STRN: variants seen among roughly 807,000 people sequenced by gnomAD.
STRN encodes the protein striatin, also known as protein phosphatase 2 regulatory subunit B'''alpha.
STRN carries 53 observed loss-of-function variants against 96.3 expected under a neutral mutation model. The observed-to-expected ratio is 0.55, with a 90% CI of 0.44 to 0.69. The LOEUF is 0.69. STRN is among the 30% of genes least tolerant of loss of function. The pLI is 0.00. For synonymous variants in STRN, 428 were observed against 355.9 expected, an observed-to-expected ratio of 1.20 and a Z score of -2.28; for missense variants, 987 against 963.9, an observed-to-expected ratio of 1.02 and a Z score of -0.32.
At position 36,839,601 on chromosome 2, in the gene STRN, T is replaced by A. The variant is rs1047610364; in HGVS notation, c.*9855A>T. ...ATTAGGCAGATCTATTATCCCCATT[T>A]CATAGATGAGAAGCCAATTTAGAAG... is the stretch of plus-strand genomic sequence containing the variant. On this transcript the variant is annotated 3_prime_UTR_variant, in exon 18 of 18. Coordinates refer to ENST00000263918, the MANE Select transcript of STRN (RefSeq NM_003162.4). 6.6e-6 allele frequency among the ~76,000 whole-genome samples: 1 copy of A among 152,210 alleles called. No individual in the cohort carries two copies. Among genetic ancestry groups the A allele is most frequent in the African/African-American group, 2.4e-5 (1 of 41,456 alleles).
intron 3 of STRN, among the ~76,000 whole-genome samples, chr2:36,908,531 C>T (rs1017547303): frequency 6.6e-6 from 1 of 152,022 alleles, no homozygotes; most frequent in East Asian, 1.9e-4. Flanking sequence ...GATTAGCGTA[C>T]GGAGGGAGAG....
chr2:36,868,864 T>A (rs976529793), intron 11 of STRN, among the ~76,000 whole-genome samples: 4 of 151,476 alleles, frequency 2.6e-5, no homozygotes, highest in Non-Finnish European at 5.9e-5. Context: ...TGCTGGCAGA[T>A]GCTGGTTCTT....
intron 1 of STRN, among the ~76,000 whole-genome samples, chr2:36,927,536 G>C (rs563354866): frequency 3.2e-5 from 4 of 126,950 alleles, no homozygotes; most frequent in Non-Finnish European, 6.6e-5. Context: ...GGGGGGGGGG[G>C]TGGTAATCAG....
At chr2:36,858,396 G>C (rs901722061) in intron 13 of STRN, among the ~76,000 whole-genome samples, 4 of 152,150 alleles carry the variant, frequency 2.6e-5, no homozygotes, top group African/African-American at 9.7e-5. Context: ...GAAGTGAACA[G>C]AGAGGTCCTC....
chr2:36,933,384 T>A (rs1670622790), intron 1 of STRN, among the ~76,000 whole-genome samples: 1 of 151,952 alleles, frequency 6.6e-6, no homozygotes, highest in Non-Finnish European at 1.5e-5. Flanking sequence ...CCTACAGACA[T>A]CAAAGGATAA....
At chr2:36,952,329 C>T (rs1302510896) in intron 1 of STRN, among the ~76,000 whole-genome samples, 1 of 151,882 alleles carries the variant, frequency 6.6e-6, no homozygotes, top group East Asian at 1.9e-4. Context: ...CTTCCTTGTG[C>T]CTGGAAGTCA....
intron 7 of STRN, among the ~76,000 whole-genome samples, chr2:36,887,190 A>G (rs965543371): frequency 6.6e-6 from 1 of 151,702 alleles, no homozygotes; most frequent in Non-Finnish European, 1.5e-5. Flanking sequence ...GCACTTTAGG[A>G]GGCTGAGGCG....
chr2:36,920,794 C>G (rs1458078355), intron 2 of STRN, among the ~76,000 whole-genome samples: 1 of 150,256 alleles, frequency 6.7e-6, no homozygotes. Flanking sequence ...ATAAGCAACT[C>G]TGCCAGGCGC....
intron 1 of STRN, among the ~76,000 whole-genome samples, chr2:36,955,192 G>A (rs1572699889): frequency 6.6e-6 from 1 of 152,332 alleles, no homozygotes; most frequent in African/African-American, 2.4e-5. Context: ...GGTATAGAGA[G>A]CAATGCCCTG....
At chr2:36,964,261 G>A (rs982466769) in intron 1 of STRN, among the ~76,000 whole-genome samples, 4 of 148,552 alleles carry the variant, frequency 2.7e-5, no homozygotes, top group African/African-American at 1.0e-4. Context: ...GTGTGTGTGT[G>A]TTTTGTTTTT....
Position 36,925,203 on chromosome 2 carries a change from C to A in STRN, c.240G>T (p.Gln80His), listed in dbSNP as rs773471836. The change falls in exon 2 of 18, where the codon CAG (glutamine) becomes CAT (histidine). Residue 80 changes from glutamine to histidine, a missense_variant. Gln to His is a conservative substitution (Grantham distance 24). Coordinates refer to ENST00000263918, the MANE Select transcript of STRN (RefSeq NM_003162.4). ...TCCTTTCTCCCTGCAGGAAGGCAAT[C>A]TGGGCCTGAGTAGGGGAAAGACAGA... Reference protein sequence around the residue: ...WEVERAELQAQIAFLQGERKG... With the variant: ...WEVERAELQAHIAFLQGERKG... 6.2e-7 allele frequency: 1 copy of A among 1,613,632 alleles called. No individual in the cohort carries two copies. Among genetic ancestry groups the A allele is most frequent in the Non-Finnish European group, 8.5e-7 (1 of 1,179,638 alleles).
At chr2:36,908,629 A>T (rs1354738921) in intron 3 of STRN, among the ~76,000 whole-genome samples, 1 of 151,898 alleles carries the variant, frequency 6.6e-6, no homozygotes, top group Admixed American at 6.6e-5. Context: ...CTATCCTCTT[A>T]AAAAAAAGTG....
chr2:36,916,554 A>T (rs1472753070), intron 2 of STRN, among the ~76,000 whole-genome samples: 1 of 152,286 alleles, frequency 6.6e-6, no homozygotes, highest in East Asian at 1.9e-4. Flanking sequence ...TTTCTCAAAA[A>T]ATTGAGCTTC....
intron 1 of STRN, among the ~76,000 whole-genome samples, chr2:36,957,358 C>T (rs943114930): frequency 2.6e-5 from 4 of 152,142 alleles, no homozygotes; most frequent in African/African-American, 4.8e-5. Flanking sequence ...GAGGCGGAGG[C>T]GGGCAGATCA....
chr2:36,921,446 C>T (rs2148225922), intron 2 of STRN, among the ~76,000 whole-genome samples: 1 of 152,308 alleles, frequency 6.6e-6, no homozygotes, highest in South Asian at 2.1e-4. Context: ...TCAACTACTC[C>T]TTTCACTTCA....
chr2:36,886,676 G>C (rs1415781980), intron 8 of STRN, 40 bp downstream of exon 8: 4 of 1,494,610 alleles, frequency 2.7e-6, no homozygotes, highest in African/African-American at 2.8e-5. Context: ...ATGTAAAGAG[G>C]CAAGATTTAT....
At chr2:36,956,317 G>A (rs553560496) in intron 1 of STRN, among the ~76,000 whole-genome samples, 4 of 152,176 alleles carry the variant, frequency 2.6e-5, no homozygotes, top group South Asian at 2.1e-4. Flanking sequence ...ACCTTACAGC[G>A]ATCCTGCTTA....
intron 9 of STRN, among the ~76,000 whole-genome samples, chr2:36,881,051 C>A (rs932892377): frequency 5.3e-5 from 8 of 151,482 alleles, no homozygotes; most frequent in Admixed American, 5.3e-4. Flanking sequence ...CTTCCTAGCC[C>A]TAATCAGCTT....
intron 12 of STRN, among the ~76,000 whole-genome samples, chr2:36,864,622 T>C (rs1344871378): frequency 6.6e-6 from 1 of 152,234 alleles, no homozygotes; most frequent in Non-Finnish European, 1.5e-5. Flanking sequence ...TTTTCCTTTC[T>C]GTTGTATCTC....
Sources: gnomAD v4.1 joint callset for allele counts (sites outside exome capture counted in the v4.1 genomes callset) on GRCh38, gnomAD v4.1.1 for gene constraint, MANE v1.5 for transcripts, NCBI Gene and HGNC (gene_info 2026-07-23, HGNC 2026-07-21) for gene names.